The following DDX4 variants were observed in gnomAD, a reference collection of about 807,000 sequenced individuals.
DDX4 encodes the protein DEAD-box helicase 4.
A neutral mutation model predicts 100.0 loss-of-function variants in DDX4; 25 were observed. The observed-to-expected ratio is 0.25, with a 90% CI of 0.18 to 0.35. The LOEUF (loss-of-function observed/expected upper bound fraction) is 0.35, where lower values mean the gene tolerates loss of function less well. DDX4 is among the 10% of genes least tolerant of loss of function. The probability of loss-of-function intolerance (pLI) is 1.00; values close to 1 mark genes in which losing one functional copy is unlikely to be tolerated. For missense variants in DDX4, 635 were observed against 882.4 expected (o/e 0.72, Z 3.55); for synonymous variants, 259 against 275.7 (o/e 0.94, Z 0.60).
intron 12 of DDX4, 34 bp downstream of exon 12, chr5:55,785,528 A>T (rs1182343879): frequency 4.7e-6 from 7 of 1,497,820 alleles, no homozygotes; most frequent in African/African-American, 1.4e-5. Context: ...ACATAGAAGT[A>T]TGTTGTGTTT....
At chr5:55,768,169 GT>G in intron 7 of DDX4, 1 of 492,914 alleles carries the variant, frequency 2.0e-6, no homozygotes, top group Non-Finnish European at 3.7e-6. Flanking sequence ...TCATGTGTAG[GT>G]TTGTTATCTA....
chr5:55,790,886 C>CTAA (rs1742523640), intron 16 of DDX4, among the ~76,000 whole-genome samples, 181 bp downstream of exon 16: 1 of 152,094 alleles, frequency 6.6e-6, no homozygotes, highest in Non-Finnish European at 1.5e-5. Flanking sequence ...ATAGTGTTTT[C>CTAA]TAATTTATAC....
intron 2 of DDX4, among the ~76,000 whole-genome samples, chr5:55,739,995 T>C (rs1758889428): frequency 6.6e-6 from 1 of 152,172 alleles, no homozygotes; most frequent in Non-Finnish European, 1.5e-5. Flanking sequence ...CTCAAAGTGT[T>C]GGGATTACAG....
At chr5:55,751,482 G>C (rs931533416) in intron 3 of DDX4, among the ~76,000 whole-genome samples, 2 of 152,214 alleles carry the variant, frequency 1.3e-5, no homozygotes, top group East Asian at 3.8e-4. Context: ...TGATCCTCCT[G>C]CCTTGGCCTC....
At chr5:55,767,245 A>AAG (rs1740980445) in intron 6 of DDX4, among the ~76,000 whole-genome samples, 1 of 152,204 alleles carries the variant, frequency 6.6e-6, no homozygotes, top group African/African-American at 2.4e-5. Context: ...ATTCAAGACC[A>AAG]GCCTGGCCAA....
At chr5:55,760,155 A>G (rs1301218617) in intron 3 of DDX4, 45 bp from the exon 4 acceptor site, 2 of 1,550,412 alleles carry the variant, frequency 1.3e-6, no homozygotes, top group Non-Finnish European at 8.7e-7. Context: ...CAAGTACTAG[A>G]TACTTGTTTT....
At chr5:55,779,881 A>G in intron 7 of DDX4, 83 bp from the exon 8 acceptor site, 2 of 1,520,228 alleles carry the variant, frequency 1.3e-6, no homozygotes, top group South Asian at 1.3e-5. Context: ...GAATTATTCA[A>G]GGCTTAAATT....
chr5:55,777,456 A>G (rs576903461), intron 7 of DDX4: 6 of 152,064 alleles, frequency 3.9e-5, no homozygotes, highest in Non-Finnish European at 7.4e-5. Flanking sequence ...TTTTTTTTTT[A>G]AATTAGAAAA....
chr5:55,774,116 T>C (rs969310314), intron 7 of DDX4, among the ~76,000 whole-genome samples: 2 of 151,986 alleles, frequency 1.3e-5, no homozygotes, highest in Non-Finnish European at 2.9e-5. Flanking sequence ...GCTACCTGAT[T>C]TGCAAATGTT....
intron 8 of DDX4, among the ~76,000 whole-genome samples, chr5:55,780,647 G>A (rs901547715): frequency 6.6e-6 from 1 of 152,194 alleles, no homozygotes; most frequent in African/African-American, 2.4e-5. Flanking sequence ...GGTAAGGTTT[G>A]ATTTGGCAAC....
At chr5:55,764,196 C>A in intron 6 of DDX4, 132 bp downstream of exon 6, 1 of 665,824 alleles carries the variant, frequency 1.5e-6, no homozygotes, top group Non-Finnish European at 2.6e-6. Context: ...GTAGCTATAT[C>A]CAAAGCCTTA....
rs867992791 is a variant in DDX4 at position 55,786,682 on chromosome 5, C to T, written c.1017+12C>T. 1.2e-6 allele frequency: 2 copies of T among 1,608,242 alleles called. No homozygotes were observed. The highest frequency in any genetic ancestry group is 3.3e-4 in the Middle Eastern group (2 of 6,036). ...GGTCTGGGAAGACTGTAAGTCTTTCCCCACATGTCCAAACTGTTAGGTTTT... is the reference window on the plus strand; with the variant it reads ...GGTCTGGGAAGACTGTAAGTCTTTCTCCACATGTCCAAACTGTTAGGTTTT... On this transcript the variant is annotated intron_variant, in intron 14 of 21. Transcript: ENST00000505374.
chr5:55,813,854 G>GAT (rs1744245774), intron 19 of DDX4, 82 bp downstream of exon 19: 2 of 1,370,184 alleles, frequency 1.5e-6, no homozygotes, highest in East Asian at 5.2e-5. Flanking sequence ...TAACTAATAT[G>GAT]ATATAATCCT....
intron 18 of DDX4, among the ~76,000 whole-genome samples, chr5:55,804,796 G>C (rs1286514983): frequency 3.3e-5 from 5 of 152,060 alleles, no homozygotes; most frequent in Non-Finnish European, 5.9e-5. Context: ...GGATTGACTT[G>C]GCGATGCGGG....
intron 10 of DDX4, among the ~76,000 whole-genome samples, chr5:55,784,808 C>G (rs1478024475): frequency 6.6e-6 from 1 of 152,238 alleles, no homozygotes. Context: ...GCTGGGAGAA[C>G]TAAGCACATC....
intron 18 of DDX4, among the ~76,000 whole-genome samples, chr5:55,800,213 T>C (rs1365958492): frequency 2.0e-5 from 3 of 152,080 alleles, no homozygotes; most frequent in African/African-American, 7.2e-5. Context: ...GAAACAAATA[T>C]AGAGAGGTCA....
At chr5:55,763,544 C>A (rs1181123077) in intron 5 of DDX4, among the ~76,000 whole-genome samples, 1 of 152,016 alleles carries the variant, frequency 6.6e-6, no homozygotes, top group East Asian at 1.9e-4. Context: ...GAAAGCAAAA[C>A]TTGACGACTT....
intron 3 of DDX4, among the ~76,000 whole-genome samples, chr5:55,751,702 C>T (rs1759561829): frequency 6.6e-6 from 1 of 152,194 alleles, no homozygotes; most frequent in Admixed American, 6.5e-5. Context: ...AGATTTTAGG[C>T]TCTTTCCTGA....
intron 3 of DDX4, among the ~76,000 whole-genome samples, chr5:55,751,633 C>T (rs1759558435): frequency 6.6e-6 from 1 of 152,100 alleles, no homozygotes; most frequent in Non-Finnish European, 1.5e-5. Context: ...TATTTTTAGT[C>T]TATTTGTCTA....
Sources: allele counts gnomAD v4.1 joint callset (sites outside exome capture counted in the v4.1 genomes callset), GRCh38; gene constraint gnomAD v4.1.1; transcripts MANE v1.5; gene names NCBI Gene and HGNC (gene_info 2026-07-23, HGNC 2026-07-21).